The following SHISA9 variants were observed in gnomAD, a reference collection of about 807,000 sequenced individuals.
The protein encoded by SHISA9 is shisa family member 9.
In SHISA9, 13 loss-of-function variants were observed where a neutral mutation model predicts 38.0. That is an observed-to-expected ratio of 0.34 (90% CI 0.22 to 0.54). The LOEUF is 0.54. Ranked by LOEUF, SHISA9 falls within the 20% of genes least tolerant of loss-of-function variation. The pLI is 0.91. For missense variants in SHISA9, 538 were observed against 575.8 expected (o/e 0.93, Z 0.67); for synonymous variants, 275 against 242.0 (o/e 1.14, Z -1.27).
chr16:12,994,501 G>A (rs2072432581), intron 2 of SHISA9, among the ~76,000 whole-genome samples: 1 of 152,166 alleles, frequency 6.6e-6, no homozygotes, highest in African/African-American at 2.4e-5. Context: ...CCTGTTACTT[G>A]CCATGAGAAT....
chr16:13,345,325 T>A, the SHISA9 span, among the ~76,000 whole-genome samples: 5 of 152,162 alleles, frequency 3.3e-5, no homozygotes, highest in Non-Finnish European at 5.9e-5. Flanking sequence ...TCTCATCATT[T>A]AGCTCCCACT....
the SHISA9 span, among the ~76,000 whole-genome samples, chr16:13,515,493 A>T: frequency 2.6e-5 from 4 of 152,172 alleles, no homozygotes; most frequent in Admixed American, 2.0e-4. Flanking sequence ...GGGTACCATT[A>T]TCCCCATTTT....
chr16:13,475,860 C>T, the SHISA9 span, among the ~76,000 whole-genome samples: 1 of 152,120 alleles, frequency 6.6e-6, no homozygotes, highest in South Asian at 2.1e-4. Flanking sequence ...ACCTAGATCC[C>T]TCATATGTGC....
chr16:13,496,846 A>C, the SHISA9 span, among the ~76,000 whole-genome samples: 2 of 152,202 alleles, frequency 1.3e-5, no homozygotes, highest in Admixed American at 6.5e-5. Context: ...AGAGATGAAG[A>C]TATATCAGTG....
chr16:13,135,993 G>A (rs573789710), intron 2 of SHISA9, among the ~76,000 whole-genome samples: 8 of 152,282 alleles, frequency 5.3e-5, no homozygotes, highest in Middle Eastern at 3.4e-3. Flanking sequence ...GCCAGGAATA[G>A]CCCTTTAAGA....
the SHISA9 span, among the ~76,000 whole-genome samples, chr16:13,451,997 G>A: frequency 6.6e-6 from 1 of 152,194 alleles, no homozygotes; most frequent in Non-Finnish European, 1.5e-5. Flanking sequence ...AGGAGATGCT[G>A]AAGGGACCCT....
chr16:13,191,184 A>T (rs1596716739), intron 2 of SHISA9, among the ~76,000 whole-genome samples: 1 of 152,270 alleles, frequency 6.6e-6, no homozygotes, highest in African/African-American at 2.4e-5. Flanking sequence ...AAAGAAAAAC[A>T]GTGCTAAAAG....
chr16:13,127,246 GGA>G (rs1264567197), intron 2 of SHISA9, among the ~76,000 whole-genome samples: 3 of 133,540 alleles, frequency 2.2e-5, no homozygotes, highest in Admixed American at 7.5e-5. Context: ...AATGAGTGAG[GGA>G]GAGAGAGGGA....
At chr16:12,969,928 T>C (rs1596555729) in intron 2 of SHISA9, among the ~76,000 whole-genome samples, 1 of 152,142 alleles carries the variant, frequency 6.6e-6, no homozygotes, top group Admixed American at 6.6e-5. Flanking sequence ...AGGGACCATG[T>C]CACAGATCTA....
chr16:13,186,024 C>T (rs1055956182), intron 2 of SHISA9, among the ~76,000 whole-genome samples: 4 of 152,162 alleles, frequency 2.6e-5, no homozygotes, highest in African/African-American at 9.7e-5. Flanking sequence ...CCTTGAACTC[C>T]ATGGTAGCGA....
chr16:13,056,785 T>C (rs1349167042), intron 2 of SHISA9, among the ~76,000 whole-genome samples: 1 of 152,178 alleles, frequency 6.6e-6, no homozygotes, highest in Non-Finnish European at 1.5e-5. Context: ...CAGCAGTCAG[T>C]GAGTGCTACA....
chr16:13,241,651 C>A (rs1405873970), downstream of SHISA9, among the ~76,000 whole-genome samples: 2 of 152,148 alleles, frequency 1.3e-5, no homozygotes, highest in Admixed American at 6.5e-5. Context: ...GATCTGGGGT[C>A]CCTGGGGAAT....
At chr16:12,964,397 T>C (rs546993242) in intron 2 of SHISA9, among the ~76,000 whole-genome samples, 11 of 151,926 alleles carry the variant, frequency 7.2e-5, no homozygotes, top group Non-Finnish European at 4.4e-5. Flanking sequence ...TTTTTTTTTT[T>C]CAACAGAAAC....
chr16:13,304,815 G>A, the SHISA9 span, among the ~76,000 whole-genome samples: 21 of 152,164 alleles, frequency 1.4e-4, no homozygotes, highest in African/African-American at 5.1e-4. Flanking sequence ...TAAGTTAAGT[G>A]AAGGCCTGCC....
intron 2 of SHISA9, among the ~76,000 whole-genome samples, chr16:13,049,688 C>G (rs1217228146): frequency 1.3e-5 from 2 of 152,082 alleles, no homozygotes; most frequent in Non-Finnish European, 2.9e-5. Context: ...GGAAAAATTC[C>G]AAAAGGATAA....
chr16:13,522,895 CCT>C, the SHISA9 span, among the ~76,000 whole-genome samples: 2 of 152,102 alleles, frequency 1.3e-5, no homozygotes, highest in Admixed American at 1.3e-4. Flanking sequence ...CAATTCAGCC[CCT>C]GTTATATTAC....
chr16:13,188,416 A>T (rs1415858272), intron 2 of SHISA9, among the ~76,000 whole-genome samples: 1 of 152,124 alleles, frequency 6.6e-6, no homozygotes, highest in Non-Finnish European at 1.5e-5. Context: ...ATCCGTCCTG[A>T]CCTCAGAAAG....
At chr16:13,554,645 C>T in the SHISA9 span, among the ~76,000 whole-genome samples, 1 of 152,136 alleles carries the variant, frequency 6.6e-6, no homozygotes, top group African/African-American at 2.4e-5. Context: ...GCATGTGCCA[C>T]CACACCTAGC....
At chr16:12,926,007 T>C (rs902230597) in intron 2 of SHISA9, among the ~76,000 whole-genome samples, 15 of 152,172 alleles carry the variant, frequency 9.9e-5, no homozygotes, top group African/African-American at 3.6e-4. Flanking sequence ...ATTACAGGCG[T>C]GAGCCACCGT....
Sources: gnomAD v4.1 joint callset for allele counts (sites outside exome capture counted in the v4.1 genomes callset) on GRCh38, gnomAD v4.1.1 for gene constraint, MANE v1.5 for transcripts, NCBI Gene and HGNC (gene_info 2026-07-23, HGNC 2026-07-21) for gene names.